Variants in SLC25A13 observed in about 807,000 individuals in gnomAD.
SLC25A13 encodes the protein electrogenic aspartate/glutamate antiporter SLC25A13, mitochondrial.
SLC25A13 carries 70 observed loss-of-function variants against 85.5 expected under a neutral mutation model. That is an observed-to-expected ratio of 0.82 (90% CI 0.68 to 1.00). The LOEUF is 1.00. SLC25A13 is among the 50% of genes least tolerant of loss of function. The pLI, the probability that SLC25A13 is intolerant of heterozygous loss-of-function variation, is 0.00. For synonymous variants in SLC25A13, 259 were observed against 288.7 expected (o/e 0.90, Z 1.04); for missense variants, 765 against 819.8 (o/e 0.93, Z 0.82).
intron 1 of SLC25A13, among the ~76,000 whole-genome samples, chr7:96,307,472 G>C (rs888314419): frequency 3.9e-5 from 6 of 151,984 alleles, no homozygotes; most frequent in African/African-American, 1.2e-4. Context: ...AGGCTGAGGT[G>C]GGAGGACTGT....
chr7:96,276,927 A>C (rs539466382), intron 3 of SLC25A13, among the ~76,000 whole-genome samples: 39 of 152,366 alleles, frequency 2.6e-4, no homozygotes, highest in African/African-American at 8.7e-4. Flanking sequence ...ATACATCTGC[A>C]CATCACCACC....
At position 96,127,219 on chromosome 7, in the gene SLC25A13, C is replaced by A. The variant is rs577597641; in HGVS notation, c.1591+4524G>T. ...ATCATTCACAAGGTGTATTGAAATG[C>A]CCTTCATTAATGATAAAGCACCATG... On this transcript the variant is annotated intron_variant, in intron 15 of 17. Transcript: ENST00000265631. Among the ~76,000 whole-genome samples, 53 of 152,112 alleles carry A rather than the reference C, an allele frequency of 3.5e-4. 1 individual carries two copies. In the South Asian group the frequency reaches 0.011, roughly 32 times the overall value.
chr7:96,281,371 A>G (rs1254674495), intron 2 of SLC25A13, among the ~76,000 whole-genome samples: 4 of 151,074 alleles, frequency 2.6e-5, no homozygotes, highest in African/African-American at 9.8e-5. Context: ...AGCCTGGGCA[A>G]CAAGTGCAAA....
At chr7:96,285,976 A>G (rs1798869084) in intron 2 of SLC25A13, among the ~76,000 whole-genome samples, 5 of 152,168 alleles carry the variant, frequency 3.3e-5, no homozygotes, top group Admixed American at 2.6e-4. Flanking sequence ...CCACAAGAAC[A>G]TCCTCCATAA....
intron 1 of SLC25A13, among the ~76,000 whole-genome samples, chr7:96,303,888 C>T (rs1562919059): frequency 2.0e-5 from 3 of 152,014 alleles, no homozygotes; most frequent in South Asian, 4.2e-4. Flanking sequence ...TGTTTCTTTA[C>T]CTTCCCAACA....
At chr7:96,139,214 G>A (rs76438467) in intron 14 of SLC25A13, among the ~76,000 whole-genome samples, 2,230 of 152,172 alleles carry the variant, frequency 0.015, 58 homozygotes, top group African/African-American at 0.051. Context: ...GAAGCACAGG[G>A]GAAGTTTCGT....
intron 3 of SLC25A13, among the ~76,000 whole-genome samples, chr7:96,256,753 C>G (rs143189837): frequency 7.7e-4 from 117 of 152,306 alleles, no homozygotes; most frequent in African/African-American, 2.8e-3. Flanking sequence ...CACCCCAAAT[C>G]AAAAGAATAT....
At chr7:96,129,373 A>G (rs942133940) in intron 15 of SLC25A13, among the ~76,000 whole-genome samples, 2 of 152,210 alleles carry the variant, frequency 1.3e-5, no homozygotes, top group African/African-American at 4.8e-5. Flanking sequence ...AGGGATGCCA[A>G]CTACTTAAAA....
chr7:96,311,312 G>C (rs1043466237), intron 1 of SLC25A13, among the ~76,000 whole-genome samples: 18 of 152,156 alleles, frequency 1.2e-4, no homozygotes, highest in Admixed American at 1.1e-3. Context: ...CCAGTACCAA[G>C]TACCCAGCAA....
Position 96,234,900 on chromosome 7 carries a change from T to C in SLC25A13, c.230A>G (p.Glu77Gly). The change falls in exon 4 of 18, where the codon GAA becomes GGA. Residue 77 changes from glutamate (E) to glycine (G), a missense_variant. Physicochemically the swap from Glu to Gly is moderately conservative, Grantham distance 98 (BLOSUM62 -2). Transcript: ENST00000265631. Reference protein sequence around the residue: ...QTKDGLISFQEFVAFESVLCA... With the variant: ...QTKDGLISFQGFVAFESVLCA... ...CAGGACAGATTCAAAGGCAACAAAT[T>C]CTTGAAAAGATATTAATCTGCAACA... 1 of 1,613,494 alleles carries C rather than the reference T, an allele frequency of 6.2e-7. No individual in the cohort carries two copies. Among genetic ancestry groups the C allele is most frequent in the Non-Finnish European group, 8.5e-7 (1 of 1,179,582 alleles).
At chr7:96,172,522 C>T (rs1487918247) in intron 11 of SLC25A13, among the ~76,000 whole-genome samples, 1 of 151,650 alleles carries the variant, frequency 6.6e-6, no homozygotes, top group Non-Finnish European at 1.5e-5. Context: ...TGCACCACTG[C>T]ACTCCAGCCC....
At chr7:96,219,749 T>C (rs1364856520) in intron 4 of SLC25A13, 3 of 534,486 alleles carry the variant, frequency 5.6e-6, no homozygotes, top group Middle Eastern at 3.2e-4. Flanking sequence ...TCTACCTCAT[T>C]GATAAGACTC....
chr7:96,211,027 T>C (rs1795673146), intron 4 of SLC25A13, among the ~76,000 whole-genome samples: 1 of 152,170 alleles, frequency 6.6e-6, no homozygotes, highest in Non-Finnish European at 1.5e-5. Flanking sequence ...ACTAAATAGC[T>C]GGTATGTAAA....
At chr7:96,192,294 C>T (rs555428992) in intron 6 of SLC25A13, among the ~76,000 whole-genome samples, 23 of 152,260 alleles carry the variant, frequency 1.5e-4, no homozygotes, top group Admixed American at 7.8e-4. Context: ...AGAGTTACCA[C>T]GGGCTATTGG....
intron 4 of SLC25A13, among the ~76,000 whole-genome samples, chr7:96,233,750 A>T (rs1796644188): frequency 6.6e-6 from 1 of 152,226 alleles, no homozygotes; most frequent in African/African-American, 2.4e-5. Flanking sequence ...TCTGGAAGCA[A>T]CACTGTTACA....
At chr7:96,139,917 C>A (rs1311145393) in intron 14 of SLC25A13, among the ~76,000 whole-genome samples, 2 of 142,502 alleles carry the variant, frequency 1.4e-5, no homozygotes, top group African/African-American at 5.2e-5. Context: ...ACCTGGTAGT[C>A]ATCTCCTTCA....
chr7:96,218,655 AT>A (rs1290035707), intron 4 of SLC25A13, among the ~76,000 whole-genome samples: 1 of 152,198 alleles, frequency 6.6e-6, no homozygotes, highest in Non-Finnish European at 1.5e-5. Flanking sequence ...AATAAAAAAG[AT>A]TCATCAAGCT....
At chr7:96,192,669 A>C (rs1794899899) in intron 6 of SLC25A13, among the ~76,000 whole-genome samples, 1 of 125,618 alleles carries the variant, frequency 8.0e-6, no homozygotes, top group African/African-American at 2.8e-5. Context: ...CTAACAAATG[A>C]TATACATGTG....
chr7:96,306,347 AT>A (rs1406481027), intron 1 of SLC25A13, among the ~76,000 whole-genome samples: 2 of 152,204 alleles, frequency 1.3e-5, no homozygotes, highest in Admixed American at 1.3e-4. Context: ...CCCATTTCAG[AT>A]ACACCTGTGG....
Sources: allele counts gnomAD v4.1 joint callset (sites outside exome capture counted in the v4.1 genomes callset), GRCh38; gene constraint gnomAD v4.1.1; transcripts MANE v1.5; gene names NCBI Gene and HGNC (gene_info 2026-07-23, HGNC 2026-07-21).